Variants in BLTP3B observed in about 807,000 individuals in gnomAD.
BLTP3B encodes bridge-like lipid transfer protein family member 3B, also known as UHRF1 (ICBP90) binding protein 1-like.
the BLTP3B span, chr12:100,048,272 A>G: frequency 7.0e-7 from 1 of 1,437,562 alleles, no homozygotes; most frequent in African/African-American, 1.4e-5. Flanking sequence ...GTAGTACATT[A>G]AAATAATACT....
At chr12:100,087,382 C>A in the BLTP3B span, among the ~76,000 whole-genome samples, 1 of 151,956 alleles carries the variant, frequency 6.6e-6, no homozygotes, top group African/African-American at 2.4e-5. Flanking sequence ...TTTGTAAAAT[C>A]CAATTTATCT....
chr12:100,113,434 G>A, the BLTP3B span, among the ~76,000 whole-genome samples: 31 of 152,218 alleles, frequency 2.0e-4, no homozygotes, highest in Middle Eastern at 3.4e-3. Context: ...CTGCACTCCA[G>A]CCTGGGAGAC....
chr12:100,136,597 A>C, the BLTP3B span, among the ~76,000 whole-genome samples: 1 of 152,192 alleles, frequency 6.6e-6, no homozygotes, highest in Non-Finnish European at 1.5e-5. Context: ...TTTATGATAC[A>C]AATATTAGCC....
At chr12:100,062,021 A>T in the BLTP3B span, among the ~76,000 whole-genome samples, 1 of 152,194 alleles carries the variant, frequency 6.6e-6, no homozygotes, top group Admixed American at 6.5e-5. Flanking sequence ...TCATATTCTT[A>T]TAAGAACCGA....
chr12:100,130,984 A>G, the BLTP3B span, among the ~76,000 whole-genome samples: 182 of 42,400 alleles, frequency 4.3e-3, 1 homozygote, highest in South Asian at 5.8e-3. Flanking sequence ...AGAGGGAGGG[A>G]GAGAGAGAGA....
At chr12:100,107,776 C>T in the BLTP3B span, among the ~76,000 whole-genome samples, 1 of 152,110 alleles carries the variant, frequency 6.6e-6, no homozygotes, top group Non-Finnish European at 1.5e-5. Flanking sequence ...ACTCCGTCAC[C>T]CAGGCTGGAG....
At chr12:100,078,253 T>C in the BLTP3B span, among the ~76,000 whole-genome samples, 1 of 152,140 alleles carries the variant, frequency 6.6e-6, no homozygotes, top group Non-Finnish European at 1.5e-5. Flanking sequence ...ACTCTCTGTC[T>C]TGCTCCTGCT....
the BLTP3B span, chr12:100,051,438 A>AT: frequency 2.9e-4 from 118 of 402,592 alleles, no homozygotes; most frequent in Non-Finnish European, 3.9e-4. Flanking sequence ...GTAAAAGACA[A>AT]TTTTTTTTAA....
At chr12:100,041,595 C>T in the BLTP3B span, among the ~76,000 whole-genome samples, 1 of 151,956 alleles carries the variant, frequency 6.6e-6, no homozygotes, top group Non-Finnish European at 1.5e-5. Flanking sequence ...CACTACCACA[C>T]CCAGCTAATT....
the BLTP3B span, among the ~76,000 whole-genome samples, chr12:100,102,326 G>A: frequency 6.6e-6 from 1 of 151,916 alleles, no homozygotes; most frequent in South Asian, 2.1e-4. Flanking sequence ...TGCCCAGGCT[G>A]GTCTCAAACA....
the BLTP3B span, among the ~76,000 whole-genome samples, chr12:100,084,204 A>T: frequency 0.011 from 1,708 of 151,732 alleles, 16 homozygotes; most frequent in Non-Finnish European, 0.017. Flanking sequence ...AAAAAAAAAA[A>T]TACTTGGCTG....
At chr12:100,100,125 A>G in the BLTP3B span, among the ~76,000 whole-genome samples, 2 of 151,748 alleles carry the variant, frequency 1.3e-5, no homozygotes, top group Non-Finnish European at 2.9e-5. Context: ...CAACAAGGAG[A>G]AATCCTGTCT....
chr12:100,116,809 C>T, the BLTP3B span, among the ~76,000 whole-genome samples: 1 of 151,948 alleles, frequency 6.6e-6, no homozygotes. Flanking sequence ...TTATTTTTTC[C>T]CAGATGACAT....
chr12:100,119,121 A>T, the BLTP3B span, among the ~76,000 whole-genome samples: 14 of 152,200 alleles, frequency 9.2e-5, no homozygotes, highest in Middle Eastern at 3.4e-3. Context: ...ATAAAATAAA[A>T]AAATAAATAA....
the BLTP3B span, chr12:100,048,226 G>C: frequency 6.5e-7 from 1 of 1,549,472 alleles, no homozygotes; most frequent in Non-Finnish European, 8.7e-7. Flanking sequence ...AAAAATGTTT[G>C]TAGCATTATT....
chr12:100,138,116 C>T, the BLTP3B span, among the ~76,000 whole-genome samples: 1 of 152,302 alleles, frequency 6.6e-6, no homozygotes, highest in East Asian at 1.9e-4. Context: ...TCCTACAATG[C>T]ACAGAACAGC....
chr12:100,131,019 GAGAGAGAGAGAGAGAA>G, the BLTP3B span, among the ~76,000 whole-genome samples: 535 of 127,674 alleles, frequency 4.2e-3, 4 homozygotes, highest in African/African-American at 0.017. Context: ...GAGAGAGAGA[GAGAGAGAGAGAGAGAA>G]AGAGTTTTTT....
At chr12:100,083,480 T>G in the BLTP3B span, among the ~76,000 whole-genome samples, 1 of 152,080 alleles carries the variant, frequency 6.6e-6, no homozygotes, top group African/African-American at 2.4e-5. Context: ...TACAAAGGTA[T>G]AGCTAGATAG....
the BLTP3B span, among the ~76,000 whole-genome samples, chr12:100,062,084 G>A: frequency 6.6e-6 from 1 of 152,090 alleles, no homozygotes; most frequent in Non-Finnish European, 1.5e-5. Flanking sequence ...AAAACAAAGG[G>A]GAAAGATGAC....
Sources: gnomAD v4.1 joint callset for allele counts (sites outside exome capture counted in the v4.1 genomes callset) on GRCh38, gnomAD v4.1.1 for gene constraint, MANE v1.5 for transcripts, NCBI Gene and HGNC (gene_info 2026-07-23, HGNC 2026-07-21) for gene names.